ABI3BP: variants seen among roughly 807,000 people sequenced by gnomAD.
The protein encoded by ABI3BP is target of Nesh-SH3.
ABI3BP carries 216 observed loss-of-function variants against 268.6 expected under a neutral mutation model. The ratio of observed to expected loss-of-function variants is 0.80; its 90% CI spans 0.72 to 0.90. ABI3BP has a LOEUF of 0.90. Among genes scored for constraint, ABI3BP ranks in the 40% least tolerant of loss-of-function variants. The pLI is 0.00. For synonymous variants in ABI3BP, 730 were observed against 730.0 expected (o/e 1.00, Z 0.00); for missense variants, 2,090 against 2,182.4 (o/e 0.96, Z 0.84).
chr3:100,753,300 A>G (rs2095436108), intron 65 of ABI3BP, among the ~76,000 whole-genome samples: 1 of 151,556 alleles, frequency 6.6e-6, no homozygotes, highest in African/African-American at 2.4e-5. Flanking sequence ...GAGGGTGTTA[A>G]TATCTTTTTT....
intron 58 of ABI3BP, 59 bp from the exon 59 acceptor site, chr3:100,778,435 G>GA: frequency 1.4e-6 from 2 of 1,443,634 alleles, no homozygotes; most frequent in East Asian, 2.3e-5. Flanking sequence ...ATTCATTATC[G>GA]AAAAAAACAG....
chr3:100,894,946 A>AAAAAAAAAAAAAAAAAAAAAAAAC (rs2046718907), intron 4 of ABI3BP, among the ~76,000 whole-genome samples: 25 of 104,560 alleles, frequency 2.4e-4, no homozygotes, highest in Non-Finnish European at 5.7e-4. Flanking sequence ...TTCAAAAAAA[A>AAAAAAAAAAAAAAAAAAAAAAAAC]AAAAAAAAAA....
At chr3:100,757,346 C>T (rs1228486401) in intron 63 of ABI3BP, among the ~76,000 whole-genome samples, 1 of 152,042 alleles carries the variant, frequency 6.6e-6, no homozygotes. Flanking sequence ...ACATGAGTTA[C>T]AAAATTTCAG....
chr3:100,916,229 G>A (rs2058577896), intron 2 of ABI3BP, among the ~76,000 whole-genome samples: 1 of 152,144 alleles, frequency 6.6e-6, no homozygotes, highest in Admixed American at 6.5e-5. Flanking sequence ...TATTTATCAG[G>A]ACTTTGTTCG....
rs528682768 is a variant in ABI3BP, at chr3:100,792,583, A to T, written c.4024+108T>A. ...CTTTCACCTATAAAATGACAAAAAAAGTCAAGTAATCCACTGTGTTGAGAA... is the reference window on the plus strand; with the variant it reads ...CTTTCACCTATAAAATGACAAAAAATGTCAAGTAATCCACTGTGTTGAGAA... On this transcript the variant is annotated intron_variant, in intron 55 of 67. Transcript: ENST00000471714. The T allele has an allele frequency of 2.9e-4, 330 of 1,128,272 alleles. 4 individuals are homozygous for T. In the South Asian group the frequency reaches 4.5e-3, roughly 15 times the overall value. 69.9% of individuals were successfully genotyped at this position (1,128,272 alleles called of 1,614,324 possible).
At chr3:100,753,510 T>G (rs2095449597) in intron 65 of ABI3BP, among the ~76,000 whole-genome samples, 1 of 152,108 alleles carries the variant, frequency 6.6e-6, no homozygotes, top group South Asian at 2.1e-4. Context: ...CAGGCTGGTC[T>G]CCAGCTCCTG....
At chr3:100,964,746 G>A (rs2080618319) in intron 1 of ABI3BP, among the ~76,000 whole-genome samples, 1 of 152,092 alleles carries the variant, frequency 6.6e-6, no homozygotes, top group Non-Finnish European at 1.5e-5. Flanking sequence ...TAACCAAATA[G>A]CATCCTAGCA....
chr3:100,991,681 A>G (rs907711873), intron 1 of ABI3BP, among the ~76,000 whole-genome samples: 2 of 152,236 alleles, frequency 1.3e-5, no homozygotes, highest in Non-Finnish European at 2.9e-5. Context: ...TTCTTTTATC[A>G]TTATTATAAT....
chr3:100,985,253 G>A (rs1176394180), intron 1 of ABI3BP, among the ~76,000 whole-genome samples: 3 of 148,572 alleles, frequency 2.0e-5, no homozygotes, highest in African/African-American at 2.5e-5. Flanking sequence ...GGGTTCAAGC[G>A]ATTCTCCTGC....
intron 3 of ABI3BP, among the ~76,000 whole-genome samples, chr3:100,900,740 C>T (rs529014677): frequency 6.6e-6 from 1 of 152,146 alleles, no homozygotes; most frequent in East Asian, 1.9e-4. Flanking sequence ...TTACATTATT[C>T]CTAAATGCAG....
chr3:100,810,332 G>A, intron 49 of ABI3BP, 80 bp downstream of exon 49: 2 of 1,215,686 alleles, frequency 1.6e-6, no homozygotes, highest in Non-Finnish European at 2.3e-6. Context: ...TGAAGTCAGG[G>A]CCTCTGATAT....
chr3:100,900,336 G>C (rs567746921), intron 3 of ABI3BP, among the ~76,000 whole-genome samples: 1 of 152,322 alleles, frequency 6.6e-6, no homozygotes, highest in African/African-American at 2.4e-5. Context: ...TTCAATTCCT[G>C]AGTTGATTTT....
intron 51 of ABI3BP, among the ~76,000 whole-genome samples, chr3:100,801,425 C>CAAAAA (rs68171311): frequency 2.3e-4 from 20 of 87,290 alleles, no homozygotes; most frequent in Middle Eastern, 7.4e-3. Context: ...GATATCCTGT[C>CAAAAA]AAAAAAAAAA....
At chr3:100,970,061 TCTAA>T (rs1191335645) in intron 1 of ABI3BP, among the ~76,000 whole-genome samples, 3 of 152,170 alleles carry the variant, frequency 2.0e-5, no homozygotes, top group African/African-American at 4.8e-5. Context: ...TGGTCATTCC[TCTAA>T]CTTCTTGCTG....
chr3:100,855,301 A>T, intron 14 of ABI3BP, among the ~76,000 whole-genome samples: 1 of 152,254 alleles, frequency 6.6e-6, no homozygotes, highest in South Asian at 2.1e-4. Flanking sequence ...CCCAATAAAA[A>T]TGCCCTGATA....
At chr3:100,955,094 G>A (rs1041158848) in intron 1 of ABI3BP, among the ~76,000 whole-genome samples, 4 of 146,288 alleles carry the variant, frequency 2.7e-5, no homozygotes, top group Admixed American at 2.1e-4. Flanking sequence ...ATAACCACAC[G>A]GAGCAGTCAG....
chr3:100,825,376 ATT>A (rs33934845), intron 35 of ABI3BP, among the ~76,000 whole-genome samples: 84 of 149,454 alleles, frequency 5.6e-4, no homozygotes, highest in East Asian at 2.4e-3. Context: ...CATACTGGGC[ATT>A]TTTTTTTTTT....
chr3:100,968,770 A>G (rs1178250499), intron 1 of ABI3BP, among the ~76,000 whole-genome samples: 1 of 152,042 alleles, frequency 6.6e-6, no homozygotes, highest in Non-Finnish European at 1.5e-5. Flanking sequence ...TACACGTGCT[A>G]TGGTGGTTTG....
In ABI3BP at chr3:100,750,426, G is replaced by A; in HGVS notation, c.*69C>T. ...CATAGTAAACAAAATAGCTTTAAATGAATGCGGCATAGTATTTTCAATGAT... is the reference window on the plus strand; with the variant it reads ...CATAGTAAACAAAATAGCTTTAAATAAATGCGGCATAGTATTTTCAATGAT... On this transcript the variant is annotated 3_prime_UTR_variant, in exon 68 of 68. Coordinates refer to ENST00000471714, the MANE Select transcript of ABI3BP (RefSeq NM_001375547.2). The A allele has an allele frequency of 2.5e-6, 3 of 1,212,416 alleles. No homozygotes were observed. Among genetic ancestry groups the A allele is most frequent in the Non-Finnish European group, 1.2e-6 (1 of 833,076 alleles). The allele number at this position is 1,212,416 out of a possible 1,614,324, so 75.1% of individuals were successfully genotyped here.
Sources: gnomAD v4.1 joint callset for allele counts (sites outside exome capture counted in the v4.1 genomes callset) on GRCh38, gnomAD v4.1.1 for gene constraint, MANE v1.5 for transcripts, NCBI Gene and HGNC (gene_info 2026-07-23, HGNC 2026-07-21) for gene names.